Variants in NTM observed in about 807,000 individuals in gnomAD.
The protein encoded by NTM is neurotrimin, also known as IgLON family member 2.
In NTM, 13 loss-of-function variants were observed where a neutral mutation model predicts 42.1. The ratio of observed to expected loss-of-function variants is 0.31; its 90% confidence interval spans 0.20 to 0.49. The LOEUF (loss-of-function observed/expected upper bound fraction) is 0.49, where lower values mean the gene tolerates loss of function less well. NTM is among the 20% of genes least tolerant of loss of function. The pLI is 0.99. For missense variants in NTM, 373 were observed against 452.8 expected, an observed-to-expected ratio of 0.82 and a Z score of 1.60; for synonymous variants, 187 against 179.2, an observed-to-expected ratio of 1.04 and a Z score of -0.35.
At chr11:132,031,122 A>T (rs1449205737) in intron 2 of NTM, among the ~76,000 whole-genome samples, 1 of 152,220 alleles carries the variant, frequency 6.6e-6, no homozygotes, top group Non-Finnish European at 1.5e-5. Context: ...CAAGCTCCAA[A>T]CACAGTGGTG....
intron 1 of NTM, among the ~76,000 whole-genome samples, chr11:131,437,883 G>A (rs929793309): frequency 9.2e-5 from 14 of 152,172 alleles, no homozygotes; most frequent in Non-Finnish European, 1.8e-4. Flanking sequence ...AGCATTGATG[G>A]TCTTTACAAT....
chr11:131,519,181 G>C (rs867776128), intron 1 of NTM, among the ~76,000 whole-genome samples: 5 of 150,506 alleles, frequency 3.3e-5, no homozygotes, highest in Middle Eastern at 3.6e-3. Flanking sequence ...TGAGAGCCAG[G>C]GGACATATCT....
intron 1 of NTM, chr11:131,605,649 A>C (rs1446873598): frequency 4.7e-6 from 1 of 213,316 alleles, no homozygotes; most frequent in Non-Finnish European, 8.1e-6. Context: ...CTCTCTCCCC[A>C]GTAAGTATGA....
At chr11:132,153,376 GAAGAAAA>G (rs1262294230) in intron 3 of NTM, among the ~76,000 whole-genome samples, 2 of 152,140 alleles carry the variant, frequency 1.3e-5, no homozygotes, top group Admixed American at 1.3e-4. Context: ...AGCTGCACTT[GAAGAAAA>G]TCTTCTTAAT....
intron 1 of NTM, among the ~76,000 whole-genome samples, chr11:131,756,394 G>A (rs1463285942): frequency 6.6e-6 from 1 of 151,966 alleles, no homozygotes; most frequent in African/African-American, 2.4e-5. Flanking sequence ...GACCAGCCTG[G>A]GCAACATAGA....
chr11:131,870,098 G>T (rs923928517), intron 1 of NTM, among the ~76,000 whole-genome samples: 1 of 152,190 alleles, frequency 6.6e-6, no homozygotes, highest in Non-Finnish European at 1.5e-5. Context: ...GGGAATTCTG[G>T]CTCGAGTCTT....
chr11:132,033,225 A>G (rs568683376), intron 2 of NTM, among the ~76,000 whole-genome samples: 4 of 152,340 alleles, frequency 2.6e-5, no homozygotes, highest in South Asian at 2.1e-4. Flanking sequence ...AAGTAGCCCA[A>G]TCATCCCCAG....
intron 1 of NTM, among the ~76,000 whole-genome samples, chr11:131,811,980 A>G (rs1249041407): frequency 6.6e-6 from 1 of 152,210 alleles, no homozygotes; most frequent in African/African-American, 2.4e-5. Context: ...TGATGCTGGT[A>G]TGAAATTCAG....
intron 1 of NTM, among the ~76,000 whole-genome samples, chr11:131,447,159 C>G (rs915835096): frequency 3.3e-5 from 5 of 152,182 alleles, no homozygotes; most frequent in Middle Eastern, 3.2e-3. Context: ...AGAGCAACTT[C>G]CAGGCTTTCA....
intron 2 of NTM, among the ~76,000 whole-genome samples, chr11:132,139,078 A>G (rs757809107): frequency 2.6e-5 from 4 of 152,076 alleles, no homozygotes; most frequent in Admixed American, 6.5e-5. Flanking sequence ...TCTTTCCTTT[A>G]TGAATGGTTG....
At chr11:131,491,954 A>G (rs952773078) in intron 1 of NTM, among the ~76,000 whole-genome samples, 1 of 152,166 alleles carries the variant, frequency 6.6e-6, no homozygotes, top group African/African-American at 2.4e-5. Context: ...TGAGCACTTT[A>G]TATGTATTAA....
At chr11:131,631,174 T>C (rs1171203177) in intron 1 of NTM, among the ~76,000 whole-genome samples, 1 of 152,118 alleles carries the variant, frequency 6.6e-6, no homozygotes. Context: ...GCTTTCAGAT[T>C]TGCACCCGTT....
At chr11:131,709,145 G>A (rs1325284568) in intron 1 of NTM, among the ~76,000 whole-genome samples, 3 of 152,130 alleles carry the variant, frequency 2.0e-5, no homozygotes, top group Non-Finnish European at 4.4e-5. Context: ...CAGAGTGAGC[G>A]GCAGGGAAGG....
intron 1 of NTM, among the ~76,000 whole-genome samples, chr11:131,593,637 C>G (rs1405566929): frequency 6.6e-6 from 1 of 152,196 alleles, no homozygotes; most frequent in African/African-American, 2.4e-5. Flanking sequence ...AAAACTGAAC[C>G]CAAGTACCTA....
chr11:131,799,817 C>A (rs572789587), intron 1 of NTM, among the ~76,000 whole-genome samples: 1 of 152,308 alleles, frequency 6.6e-6, no homozygotes, highest in East Asian at 1.9e-4. Flanking sequence ...TAGTGGCCTG[C>A]AGTTAACTAT....
intron 1 of NTM, among the ~76,000 whole-genome samples, chr11:131,866,320 G>T (rs1260976491): frequency 3.3e-5 from 5 of 152,228 alleles, no homozygotes; most frequent in Admixed American, 2.6e-4. Flanking sequence ...GCCTGTGGGG[G>T]TGGGGCTGTC....
intron 1 of NTM, among the ~76,000 whole-genome samples, chr11:131,882,112 AT>A (rs2049621257): frequency 6.6e-6 from 1 of 152,210 alleles, no homozygotes; most frequent in Non-Finnish European, 1.5e-5. Context: ...CAGAATACAT[AT>A]GTACATTAGT....
chr11:131,407,957 T>C (rs1346294008), intron 1 of NTM, among the ~76,000 whole-genome samples: 1 of 152,246 alleles, frequency 6.6e-6, no homozygotes, highest in African/African-American at 2.4e-5. Context: ...GGATGGTACT[T>C]ATTCACTGGT....
chr11:132,292,139 G>C (rs116807151), intron 4 of NTM, among the ~76,000 whole-genome samples: 2 of 152,182 alleles, frequency 1.3e-5, no homozygotes, highest in Non-Finnish European at 2.9e-5. Context: ...CCTTGAAAAA[G>C]TGAGAAAGAA....
Sources: gnomAD v4.1 joint callset for allele counts (sites outside exome capture counted in the v4.1 genomes callset) on GRCh38, gnomAD v4.1.1 for gene constraint, MANE v1.5 for transcripts, NCBI Gene and HGNC (gene_info 2026-07-23, HGNC 2026-07-21) for gene names.